The following PITPNC1 variants were observed in gnomAD, a reference collection of about 807,000 sequenced individuals.
The protein encoded by PITPNC1 is phosphatidylinositol transfer protein cytoplasmic 1, also known as cytoplasmic phosphatidylinositol transfer protein 1.
PITPNC1 carries 18 observed loss-of-function variants against 44.7 expected under a neutral mutation model. That is an observed-to-expected ratio of 0.40 (90% confidence interval 0.28 to 0.60). The LOEUF is 0.60. Among genes scored for constraint, PITPNC1 ranks in the 20% least tolerant of loss-of-function variants. The probability of loss-of-function intolerance (pLI) is 0.39; values close to 1 mark genes in which losing one functional copy is unlikely to be tolerated. For synonymous variants in PITPNC1, 141 were observed against 149.6 expected (o/e 0.94, Z 0.42); for missense variants, 290 against 418.4 (o/e 0.69, Z 2.68).
At chr17:67,452,946 C>G (rs1419526803) in intron 1 of PITPNC1, among the ~76,000 whole-genome samples, 2 of 152,124 alleles carry the variant, frequency 1.3e-5, no homozygotes, top group African/African-American at 4.8e-5. Flanking sequence ...TTGTTTGTAG[C>G]GATTCTAATG....
intron 1 of PITPNC1, among the ~76,000 whole-genome samples, chr17:67,394,765 G>A (rs999467459): frequency 6.6e-6 from 1 of 152,100 alleles, no homozygotes; most frequent in Admixed American, 6.6e-5. Flanking sequence ...GTGGTGGCGG[G>A]CGCCTGTAGT....
chr17:67,595,131 A>G (rs1197298808), intron 5 of PITPNC1, among the ~76,000 whole-genome samples: 1 of 152,242 alleles, frequency 6.6e-6, no homozygotes, highest in Admixed American at 6.5e-5. Flanking sequence ...TGAGATGTAC[A>G]TCATGAGTGC....
At chr17:67,650,371 T>G (rs2042196116) in intron 6 of PITPNC1, among the ~76,000 whole-genome samples, 1 of 151,570 alleles carries the variant, frequency 6.6e-6, no homozygotes, top group African/African-American at 2.4e-5. Context: ...CCACCTCTCT[T>G]GCAAGTTCTC....
At chr17:67,443,015 C>T (rs2039037269) in intron 1 of PITPNC1, among the ~76,000 whole-genome samples, 1 of 152,056 alleles carries the variant, frequency 6.6e-6, no homozygotes, top group African/African-American at 2.4e-5. Context: ...TACACAGCTG[C>T]CAGTTACCTT....
intron 5 of PITPNC1, among the ~76,000 whole-genome samples, chr17:67,610,277 T>G (rs1214472843): frequency 6.6e-6 from 1 of 152,122 alleles, no homozygotes; most frequent in Non-Finnish European, 1.5e-5. Flanking sequence ...CCGGAGGCAC[T>G]ATCTAGAACC....
At chr17:67,445,045 G>T (rs944336640) in intron 1 of PITPNC1, among the ~76,000 whole-genome samples, 11 of 151,870 alleles carry the variant, frequency 7.2e-5, no homozygotes, top group Non-Finnish European at 1.0e-4. Context: ...AAGTGTGGAT[G>T]ATTTTAGGGA....
chr17:67,586,968 G>T (rs1230112085), intron 5 of PITPNC1, among the ~76,000 whole-genome samples: 1 of 152,140 alleles, frequency 6.6e-6, no homozygotes, highest in Non-Finnish European at 1.5e-5. Context: ...TTTGAAAACA[G>T]AGTGACTTTC....
At chr17:67,393,266 C>T (rs1310133783) in intron 1 of PITPNC1, among the ~76,000 whole-genome samples, 1 of 152,148 alleles carries the variant, frequency 6.6e-6, no homozygotes, top group Non-Finnish European at 1.5e-5. Flanking sequence ...CGCCCATCTT[C>T]AGAACAGTTT....
At chr17:67,537,865 T>C (rs1235659783) in intron 2 of PITPNC1, among the ~76,000 whole-genome samples, 1 of 151,548 alleles carries the variant, frequency 6.6e-6, no homozygotes, top group Admixed American at 6.6e-5. Context: ...CCAGCTACTC[T>C]GGAGGCTGAG....
At chr17:67,632,044 C>T (rs544425605) in intron 5 of PITPNC1, 99 bp from the exon 6 acceptor site, 52 of 709,408 alleles carry the variant, frequency 7.3e-5, no homozygotes, top group African/African-American at 5.9e-4. Context: ...GGCCCTGAGA[C>T]GTGTGAAGAT....
intron 8 of PITPNC1, among the ~76,000 whole-genome samples, chr17:67,683,989 A>AAAAAG (rs1173441948): frequency 4.0e-5 from 6 of 149,930 alleles, no homozygotes; most frequent in Non-Finnish European, 8.9e-5. Context: ...AAAAAAAAAA[A>AAAAAG]AAAAGAAAAG....
intron 1 of PITPNC1, among the ~76,000 whole-genome samples, chr17:67,390,999 A>C (rs1248119702): frequency 2.1e-4 from 32 of 152,074 alleles, no homozygotes; most frequent in Admixed American, 2.0e-3. Context: ...AAGTCGACTC[A>C]TGTATCTAAA....
chr17:67,520,716 C>G (rs1270829339), intron 1 of PITPNC1, among the ~76,000 whole-genome samples: 1 of 152,084 alleles, frequency 6.6e-6, no homozygotes, highest in East Asian at 1.9e-4. Context: ...TGAAGAAATC[C>G]CATGTTCTGC....
rs375048545 is a variant in PITPNC1 at position 67,669,638 on chromosome 17, C to G, written c.593C>G (p.Thr198Ser). The change falls in exon 7 of 9, where the codon ACC (threonine) becomes AGC (serine). Residue 198 changes from threonine (T) to serine (S), a missense_variant. Physicochemically the swap from Thr to Ser is moderately conservative, Grantham distance 58. Transcript: ENST00000581322. Reference sequence around the variant, plus strand: ...AAGTTTGAGGTCTGGGGGCTTCAGACCAGAGTGGAACAATTTGTACACAAG... The same window carrying G: ...AAGTTTGAGGTCTGGGGGCTTCAGAGCAGAGTGGAACAATTTGTACACAAG... The part of the protein sequence containing the change: ...TVKFEVWGLQ[T>S]RVEQFVHKVV... The G allele has an allele frequency of 4.2e-5, 67 of 1,599,290 alleles. No homozygotes were observed. Among genetic ancestry groups the G allele is most frequent in the Non-Finnish European group, 5.6e-5 (66 of 1,172,748 alleles).
chr17:67,559,943 A>T (rs2040885583), intron 4 of PITPNC1, among the ~76,000 whole-genome samples: 1 of 152,226 alleles, frequency 6.6e-6, no homozygotes, highest in African/African-American at 2.4e-5. Flanking sequence ...GTGTCATCAC[A>T]GAGCCAGAAC....
intron 1 of PITPNC1, among the ~76,000 whole-genome samples, chr17:67,513,982 G>A (rs1005546580): frequency 1.3e-5 from 2 of 151,450 alleles, no homozygotes; most frequent in African/African-American, 2.4e-5. Flanking sequence ...CCGAAGACCC[G>A]CCTCCATGAT....
chr17:67,529,820 C>T (rs117618579), intron 1 of PITPNC1, among the ~76,000 whole-genome samples: 1,823 of 152,126 alleles, frequency 0.012, 42 homozygotes, highest in African/African-American at 0.037. Context: ...TAGCGGCGTG[C>T]GCCTGTAATC....
chr17:67,589,828 C>T (rs995275250), intron 5 of PITPNC1, among the ~76,000 whole-genome samples: 10 of 152,132 alleles, frequency 6.6e-5, no homozygotes, highest in African/African-American at 2.2e-4. Flanking sequence ...AATAGCCAGA[C>T]GTCATGGCAC....
intron 4 of PITPNC1, among the ~76,000 whole-genome samples, 153 bp downstream of exon 4, chr17:67,553,770 A>G (rs1270648625): frequency 2.0e-5 from 3 of 152,232 alleles, no homozygotes; most frequent in Non-Finnish European, 4.4e-5. Flanking sequence ...GCATCGTTAT[A>G]TATAATGCAA....
Sources: gnomAD v4.1 joint callset for allele counts (sites outside exome capture counted in the v4.1 genomes callset) on GRCh38, gnomAD v4.1.1 for gene constraint, MANE v1.5 for transcripts, NCBI Gene and HGNC (gene_info 2026-07-23, HGNC 2026-07-21) for gene names.